Variants in RAD51B observed in about 807,000 individuals in gnomAD.
RAD51B encodes the protein DNA repair protein RAD51 homolog 2.
Under a neutral mutation model 42.2 loss-of-function variants are expected in RAD51B, and 38 were observed. The observed-to-expected ratio is 0.90, with a 90% CI of 0.70 to 1.18. The LOEUF is 1.18. Among genes scored for constraint, RAD51B ranks in the 50% most tolerant of loss-of-function variants. The probability of loss-of-function intolerance (pLI) is 0.00; values close to 1 mark genes in which losing one functional copy is unlikely to be tolerated. For missense variants in RAD51B, 373 were observed against 400.7 expected (o/e 0.93, Z 0.59); for synonymous variants, 154 against 145.2 (o/e 1.06, Z -0.43).
chr14:67,949,689 C>G (rs1048427214), intron 7 of RAD51B, among the ~76,000 whole-genome samples: 1 of 152,118 alleles, frequency 6.6e-6, no homozygotes, highest in Non-Finnish European at 1.5e-5. Context: ...TTATCCAGAT[C>G]CATCAGAAGA....
chr14:68,408,810 G>T (rs191352399), intron 8 of RAD51B, among the ~76,000 whole-genome samples: 15 of 152,128 alleles, frequency 9.9e-5, no homozygotes, highest in Non-Finnish European at 1.6e-4. Context: ...AATAAGATGT[G>T]ACTAACTATG....
intron 7 of RAD51B, among the ~76,000 whole-genome samples, chr14:68,206,782 C>G (rs1363919678): frequency 6.6e-6 from 1 of 150,664 alleles, no homozygotes; most frequent in East Asian, 1.9e-4. Context: ...CCAAGAAACC[C>G]CAGTTCTTTT....
intron 7 of RAD51B, among the ~76,000 whole-genome samples, chr14:68,215,194 A>G (rs2079788550): frequency 6.6e-6 from 1 of 152,198 alleles, no homozygotes; most frequent in South Asian, 2.1e-4. Context: ...ATAGGGAATG[A>G]GAAGAAAGTG....
intron 7 of RAD51B, among the ~76,000 whole-genome samples, chr14:67,901,237 A>G (rs2043602659): frequency 6.6e-6 from 1 of 152,220 alleles, no homozygotes; most frequent in Non-Finnish European, 1.5e-5. Flanking sequence ...TGCCTAAGCG[A>G]AAGCCACAGG....
chr14:68,507,422 G>A (rs942543016), intron 10 of RAD51B, among the ~76,000 whole-genome samples: 1 of 152,180 alleles, frequency 6.6e-6, no homozygotes, highest in Non-Finnish European at 1.5e-5. Flanking sequence ...GCACAGAAGG[G>A]TAGAGTTTGA....
chr14:68,199,856 G>A (rs1796311010), intron 7 of RAD51B, among the ~76,000 whole-genome samples: 1 of 152,168 alleles, frequency 6.6e-6, no homozygotes, highest in African/African-American at 2.4e-5. Flanking sequence ...TACTTGCACT[G>A]TAGCGTTGTC....
At chr14:67,940,055 T>TATATATA (rs1342389102) in intron 7 of RAD51B, among the ~76,000 whole-genome samples, 5 of 8,728 alleles carry the variant, frequency 5.7e-4, no homozygotes, top group Non-Finnish European at 7.5e-4. Flanking sequence ...TATATATATA[T>TATATATA]TTTTTTTTTT....
At chr14:68,208,119 TAA>T (rs10712012) in intron 7 of RAD51B, among the ~76,000 whole-genome samples, 62 of 149,766 alleles carry the variant, frequency 4.1e-4, no homozygotes, top group Admixed American at 1.7e-3. Context: ...GTATAATATT[TAA>T]AAAAAAAAAC....
chr14:68,223,173 A>G (rs1485979955), intron 7 of RAD51B, among the ~76,000 whole-genome samples: 1 of 152,206 alleles, frequency 6.6e-6, no homozygotes. Flanking sequence ...GAGGCGTAGA[A>G]ACTTTCCCTC....
At chr14:68,582,325 C>T (rs933117100) in intron 10 of RAD51B, among the ~76,000 whole-genome samples, 1 of 151,992 alleles carries the variant, frequency 6.6e-6, no homozygotes, top group Non-Finnish European at 1.5e-5. Flanking sequence ...AAAAACAACC[C>T]CATCAAAAAG....
chr14:68,317,319 G>A (rs1024823482), intron 8 of RAD51B, among the ~76,000 whole-genome samples: 13 of 87,380 alleles, frequency 1.5e-4, no homozygotes, highest in Non-Finnish European at 2.3e-4. Context: ...ATTTATTTAC[G>A]TGCCCTCTCA....
intron 10 of RAD51B, among the ~76,000 whole-genome samples, chr14:68,525,054 T>G (rs1721353282): frequency 6.6e-6 from 1 of 152,246 alleles, no homozygotes; most frequent in African/African-American, 2.4e-5. Context: ...ATCAGTTGGC[T>G]TTGGGATAGA....
At chr14:67,827,942 A>G (rs578189372) in intron 3 of RAD51B, among the ~76,000 whole-genome samples, 3 of 152,352 alleles carry the variant, frequency 2.0e-5, no homozygotes, top group East Asian at 1.9e-4. Context: ...TAGTGCTGCA[A>G]TGAACATATG....
chr14:68,569,769 G>A (rs1008669690), intron 10 of RAD51B, among the ~76,000 whole-genome samples: 1 of 152,320 alleles, frequency 6.6e-6, no homozygotes, highest in Admixed American at 6.5e-5. Context: ...AACCGGGCCT[G>A]AAGCAGCCTG....
chr14:68,313,728 G>C (rs1412916677), intron 8 of RAD51B, among the ~76,000 whole-genome samples: 2 of 152,206 alleles, frequency 1.3e-5, no homozygotes, highest in Non-Finnish European at 2.9e-5. Context: ...CCTCTAGCTT[G>C]CAGTTCCCCT....
intron 8 of RAD51B, among the ~76,000 whole-genome samples, chr14:68,356,982 CA>C (rs34774624): frequency 1.0e-3 from 92 of 92,276 alleles, no homozygotes; most frequent in Middle Eastern, 5.8e-3. Flanking sequence ...GACTCCGTCT[CA>C]AAAAAAAAAA....
intron 7 of RAD51B, among the ~76,000 whole-genome samples, chr14:67,925,189 C>G (rs1030311136): frequency 6.6e-6 from 1 of 152,202 alleles, no homozygotes; most frequent in African/African-American, 2.4e-5. Context: ...AGGGTACAGC[C>G]CCCCTCCTAG....
intron 11 of RAD51B, among the ~76,000 whole-genome samples, chr14:68,678,284 C>G (rs1035426708): frequency 2.0e-5 from 3 of 152,194 alleles, no homozygotes; most frequent in Non-Finnish European, 4.4e-5. Context: ...TGACAACACC[C>G]TTACCTCCTC....
intron 8 of RAD51B, among the ~76,000 whole-genome samples, chr14:68,304,087 T>C (rs1477910169): frequency 6.6e-6 from 1 of 152,024 alleles, no homozygotes; most frequent in Non-Finnish European, 1.5e-5. Flanking sequence ...CAAGAATCAC[T>C]TGAGCCTGTG....
Sources: gnomAD v4.1 joint callset for allele counts (sites outside exome capture counted in the v4.1 genomes callset) on GRCh38, gnomAD v4.1.1 for gene constraint, MANE v1.5 for transcripts, NCBI Gene and HGNC (gene_info 2026-07-23, HGNC 2026-07-21) for gene names.